FHIT: variants seen among roughly 807,000 people sequenced by gnomAD.
The protein encoded by FHIT is fragile histidine triad diadenosine triphosphatase, also known as bis(5'-adenosyl)-triphosphatase.
Under a neutral mutation model 17.9 loss-of-function variants are expected in FHIT, and 19 were observed. The ratio of observed to expected loss-of-function variants is 1.06; its 90% CI spans 0.74 to 1.56. The LOEUF is 1.56. Among genes scored for constraint, FHIT ranks in the 40% most tolerant of loss-of-function variants. FHIT has a pLI of 0.00. For missense variants in FHIT, 248 were observed against 189.2 expected (o/e 1.31, Z -1.82); for synonymous variants, 81 against 69.7 (o/e 1.16, Z -0.81).
intron 5 of FHIT, among the ~76,000 whole-genome samples, chr3:60,190,077 C>T (rs1367519709): frequency 6.6e-6 from 1 of 152,134 alleles, no homozygotes; most frequent in East Asian, 1.9e-4. Context: ...TAGGGAAAAA[C>T]TATTTTGAGA....
chr3:59,998,018 T>C (rs1699585770), intron 7 of FHIT, among the ~76,000 whole-genome samples: 1 of 152,166 alleles, frequency 6.6e-6, no homozygotes, highest in South Asian at 2.1e-4. Context: ...TTAGCAGTAA[T>C]TTATCATTTC....
chr3:59,886,997 A>G (rs597224), intron 8 of FHIT, among the ~76,000 whole-genome samples: 150,293 of 152,260 alleles, frequency 0.99, 74,204 homozygotes, highest in East Asian at 1. Context: ...GTGGCACTCA[A>G]AGAAGTGAGT....
intron 5 of FHIT, among the ~76,000 whole-genome samples, chr3:60,467,639 A>C (rs2032871580): frequency 6.6e-6 from 1 of 151,976 alleles, no homozygotes; most frequent in Non-Finnish European, 1.5e-5. Context: ...CCAAAATTTC[A>C]GCTGTTATTG....
chr3:60,545,132 T>C (rs1295639920), intron 4 of FHIT, among the ~76,000 whole-genome samples: 2 of 152,022 alleles, frequency 1.3e-5, no homozygotes, highest in South Asian at 2.1e-4. Context: ...TTCTTAGCCA[T>C]ATATCCTTTT....
intron 5 of FHIT, among the ~76,000 whole-genome samples, chr3:60,384,329 T>C (rs1396834016): frequency 2.0e-5 from 3 of 152,088 alleles, no homozygotes; most frequent in Non-Finnish European, 4.4e-5. Context: ...TAATAATAAC[T>C]TCCATAATAT....
At chr3:60,960,770 T>G (rs1363917787) in intron 3 of FHIT, among the ~76,000 whole-genome samples, 9 of 152,240 alleles carry the variant, frequency 5.9e-5, no homozygotes, top group Admixed American at 5.9e-4. Flanking sequence ...ACTCATCCAT[T>G]TTTATGGCTG....
chr3:60,072,329 G>A (rs1702811724), intron 5 of FHIT, among the ~76,000 whole-genome samples: 1 of 152,148 alleles, frequency 6.6e-6, no homozygotes, highest in East Asian at 1.9e-4. Context: ...CTAATGTTAA[G>A]AACATCACGC....
chr3:61,037,683 A>G (rs6446179), intron 3 of FHIT, among the ~76,000 whole-genome samples: 83,024 of 152,018 alleles, frequency 0.55, 25,770 homozygotes, highest in East Asian at 0.79. Flanking sequence ...TATCACCAGA[A>G]TGGATTCCTG....
chr3:61,246,960 C>G (rs1348574327), intron 1 of FHIT, among the ~76,000 whole-genome samples: 1 of 152,078 alleles, frequency 6.6e-6, no homozygotes, highest in Non-Finnish European at 1.5e-5. Flanking sequence ...TTTTCATACC[C>G]TAAGCACACA....
At chr3:60,553,120 G>A (rs76200451) in intron 4 of FHIT, among the ~76,000 whole-genome samples, 2 of 151,918 alleles carry the variant, frequency 1.3e-5, no homozygotes, top group Non-Finnish European at 2.9e-5. Context: ...TAATTATCTT[G>A]CTTTTATTAA....
At chr3:60,068,898 C>A (rs9869623) in intron 5 of FHIT, among the ~76,000 whole-genome samples, 1 of 151,918 alleles carries the variant, frequency 6.6e-6, no homozygotes, top group Non-Finnish European at 1.5e-5. Flanking sequence ...ATACATAAAA[C>A]ATATGTACAA....
chr3:60,658,388 T>G (rs115810753), intron 4 of FHIT, among the ~76,000 whole-genome samples: 3,345 of 152,172 alleles, frequency 0.022, 142 homozygotes, highest in African/African-American at 0.075. Flanking sequence ...TGTCTTCTTG[T>G]GTGGTTAGTT....
At chr3:60,287,913 C>T (rs899785487) in intron 5 of FHIT, among the ~76,000 whole-genome samples, 1 of 72,326 alleles carries the variant, frequency 1.4e-5, no homozygotes, top group Non-Finnish European at 2.6e-5. Flanking sequence ...TGCTACTTGA[C>T]AAATTAACCC....
At chr3:60,958,061 T>G (rs1186852502) in intron 3 of FHIT, among the ~76,000 whole-genome samples, 1 of 152,220 alleles carries the variant, frequency 6.6e-6, no homozygotes, top group African/African-American at 2.4e-5. Flanking sequence ...ACACTTAAAA[T>G]CTTTTACTCA....
chr3:60,995,905 TA>T (rs549949527), intron 3 of FHIT, among the ~76,000 whole-genome samples: 199 of 152,328 alleles, frequency 1.3e-3, no homozygotes, highest in Non-Finnish European at 2.0e-3. Flanking sequence ...CCTGAAAAAT[TA>T]AAATTACAGT....
intron 4 of FHIT, among the ~76,000 whole-genome samples, chr3:60,678,554 G>A (rs1553696026): frequency 6.6e-6 from 1 of 152,046 alleles, no homozygotes; most frequent in African/African-American, 2.4e-5. Flanking sequence ...TTCCTGTAAG[G>A]AGTTACCAAA....
intron 8 of FHIT, among the ~76,000 whole-genome samples, chr3:59,892,559 G>C (rs1703900949): frequency 6.6e-6 from 1 of 152,194 alleles, no homozygotes; most frequent in South Asian, 2.1e-4. Context: ...TATTTAGCCA[G>C]AGTTAAGAGC....
chr3:59,941,448 T>C (rs1167796102), intron 7 of FHIT, among the ~76,000 whole-genome samples: 1 of 152,198 alleles, frequency 6.6e-6, no homozygotes, highest in Non-Finnish European at 1.5e-5. Flanking sequence ...ATCTCTTGTC[T>C]CATACTTGGC....
At chr3:60,242,720 C>T (rs1451989594) in intron 5 of FHIT, among the ~76,000 whole-genome samples, 1 of 151,968 alleles carries the variant, frequency 6.6e-6, no homozygotes, top group Non-Finnish European at 1.5e-5. Context: ...CTGCTTTTGC[C>T]CCTTCTTCTC....
Sources: gnomAD v4.1 joint callset for allele counts (sites outside exome capture counted in the v4.1 genomes callset) on GRCh38, gnomAD v4.1.1 for gene constraint, MANE v1.5 for transcripts, NCBI Gene and HGNC (gene_info 2026-07-23, HGNC 2026-07-21) for gene names.